The following TTN variants were observed in gnomAD, a reference collection of about 807,000 sequenced individuals.
TTN encodes the protein connectin.
TTN carries 1,525 observed loss-of-function variants against 3,223.0 expected under a neutral mutation model. The ratio of observed to expected loss-of-function variants is 0.47; its 90% CI spans 0.45 to 0.49. The LOEUF (loss-of-function observed/expected upper bound fraction) is 0.49. Ranked by LOEUF, TTN falls within the 20% of genes least tolerant of loss-of-function variation. The pLI, the probability that TTN is intolerant of heterozygous loss-of-function variation, is 0.00. For missense variants in TTN, 40,786 were observed against 43,424.0 expected (o/e 0.94, Z 5.40); for synonymous variants, 14,094 against 15,161.0 (o/e 0.93, Z 5.17).
chr2:178,724,312 C>G lies in TTN; in HGVS notation c.21063G>C (p.Gln7021His), dbSNP rs757015621. The change falls in exon 72 of 363, where the codon CAG (glutamine) becomes CAC (histidine). Residue 7021 changes from glutamine to histidine, a missense_variant. Transcript: ENST00000589042. ...TGCTTTTCCCAACATTATTTTGAAC[C>G]TGGAAAGTGTATGTGCCTGCATCTT... Reference protein sequence around the residue: ...ERQDAGTYTFQVQNNVGKSSC... With the variant: ...ERQDAGTYTFHVQNNVGKSSC... 1.2e-5 allele frequency: 19 copies of G among 1,613,502 alleles called. No individual in the cohort carries two copies. Among genetic ancestry groups the G allele is most frequent in the South Asian group, 2.2e-5 (2 of 91,060 alleles).
intron 71 of TTN, chr2:178,724,995 G>C: frequency 4.7e-6 from 1 of 211,534 alleles, no homozygotes; most frequent in East Asian, 1.1e-4. Flanking sequence ...TTGTTTAATT[G>C]TCATTAATTT....
intron 307 of TTN, 126 bp downstream of exon 307, chr2:178,586,992 T>C: frequency 7.2e-7 from 1 of 1,393,432 alleles, no homozygotes; most frequent in Non-Finnish European, 9.9e-7. Flanking sequence ...AGATAGATAT[T>C]TATTACACTA....
chr2:178,610,453 G>C, intron 270 of TTN, 64 bp from the exon 271 acceptor site: 2 of 1,526,774 alleles, frequency 1.3e-6, no homozygotes, highest in Non-Finnish European at 1.8e-6. Flanking sequence ...TAATGCACTT[G>C]TCTCTAAGTG....
intron 354 of TTN, 185 bp downstream of exon 354, chr2:178,538,355 C>CA (rs1411125378): frequency 3.5e-6 from 2 of 566,234 alleles, no homozygotes; most frequent in Non-Finnish European, 6.0e-6. Flanking sequence ...CTAACATCTG[C>CA]TGAGGTTGTG....
Position 178,768,129 on chromosome 2 carries a change from T to C in TTN, c.9190A>G (p.Ile3064Val). ...TTCTCCAGTACCTTAATGTCCTTAA[T>C]GTGTTTCCTAAATTCTATATGACGA... Reference protein sequence around the residue: ...EARHIEFRKHIKDIKVLEKKR... With the variant: ...EARHIEFRKHVKDIKVLEKKR... The change falls in exon 39 of 363, where the codon ATT (isoleucine) becomes GTT (valine). Residue 3064 changes from isoleucine to valine, a missense_variant. Transcript: ENST00000589042. 1 of 1,614,124 alleles carries C rather than the reference T, an allele frequency of 6.2e-7. No individual in the cohort carries two copies. The highest frequency in any genetic ancestry group is 8.5e-7 in the Non-Finnish European group (1 of 1,180,010).
At chr2:178,749,825 C>T (rs1428285324) in intron 47 of TTN, 1 of 1,612,958 alleles carries the variant, frequency 6.2e-7, no homozygotes. Flanking sequence ...ATTTTGAAAC[C>T]ATGTTACAAC....
chr2:178,573,241 A>G lies in TTN; in HGVS notation c.72891T>C (p.Ile24297=), dbSNP rs1313149893. Residue 24297 remains isoleucine (I), a synonymous_variant, in exon 326 of 363, where the codon ATT becomes ATC. Transcript: ENST00000589042. Reference sequence around the variant, plus strand: ...TAATTCCAGCAGCATTTTCAGCCATAATCCTGAACTCATATTCATGTCCTT... The same window carrying G: ...TAATTCCAGCAGCATTTTCAGCCATGATCCTGAACTCATATTCATGTCCTT... ...LTEGHEYEFR[I]MAENAAGISA... The G allele has an allele frequency of 6.2e-7, 1 of 1,606,510 alleles. No individual in the cohort carries two copies. The highest frequency in any genetic ancestry group is 1.7e-4 in the Middle Eastern group (1 of 6,010).
chr2:178,577,535 A>G (rs1181920134), intron 323 of TTN, 25 bp from the exon 324 acceptor site: 1 of 1,555,320 alleles, frequency 6.4e-7, no homozygotes, highest in Non-Finnish European at 8.7e-7. Context: ...ATACATTTTA[A>G]TCAGAAAAGG....
chr2:178,720,148 T>C lies in TTN; in HGVS notation c.23494A>G (p.Arg7832Gly), dbSNP rs2154300472. The change falls in exon 81 of 363, where the codon AGA (arginine) becomes GGA (glycine). Residue 7832 changes from arginine to glycine, a missense_variant. Coordinates refer to ENST00000589042, the MANE Select transcript of TTN (RefSeq NM_001267550.2). ...QPISVVWLKDRGEVIRESENT... is the reference protein window; with the variant it reads ...QPISVVWLKDGGEVIRESENT... ...TCACTCTCTCTGATGACTTCACCTC[T>C]ATCTTTCAGCCAGACAACAGAAATT... The C allele has an allele frequency of 6.2e-7, 1 of 1,613,806 alleles. No homozygotes were observed.
chr2:178,526,738 C>T lies in TTN; in HGVS notation c.*274G>A, dbSNP rs886055215. 3.7e-6 allele frequency: 1 copy of T among 269,958 alleles called. No homozygotes were observed. Among genetic ancestry groups the T allele is most frequent in the Admixed American group, 5.0e-5 (1 of 20,190 alleles). The allele number at this position is 269,958 out of a possible 1,614,324, so 16.7% of individuals were successfully genotyped here. A position where few individuals can be genotyped will look rare whatever the true frequency, so the allele number is the denominator to read the frequency against. ...CTCCTACCAACAGTTAGTTTCAAAA[C>T]TTACATTGTAAAATGTCATAAAATA... is the stretch of plus-strand genomic sequence containing the variant. On this transcript the variant is annotated 3_prime_UTR_variant, in exon 363 of 363. Coordinates refer to ENST00000589042, the MANE Select transcript of TTN (RefSeq NM_001267550.2).
chr2:178,758,810 G>C (rs2088110465), intron 44 of TTN, 174 bp downstream of exon 44: 1 of 690,260 alleles, frequency 1.4e-6, no homozygotes, highest in Non-Finnish European at 2.5e-6. Flanking sequence ...GATTCACAAT[G>C]AAAAGTGGTA....
Position 178,790,716 on chromosome 2 carries a change from A to C in TTN, c.1792T>G (p.Tyr598Asp). 6.2e-7 allele frequency: 1 copy of C among 1,614,138 alleles called. No homozygotes were observed. The highest frequency in any genetic ancestry group is 8.5e-7 in the Non-Finnish European group (1 of 1,179,988). Residue 598 changes from tyrosine (Y) to aspartate (D), a missense_variant, in exon 11 of 363, where the codon TAT becomes GAT. By Grantham distance (160) the Tyr-to-Asp change is radical (BLOSUM62 -3). Coordinates refer to ENST00000589042, the MANE Select transcript of TTN (RefSeq NM_001267550.2). ...TTQQDQMHLS[Y>D]EKIMKETRKT... ...TGGCAGGAAGTCATCACCTTTTCAT[A>C]ACTTAGGTGCATTTGATCTTGTTGT... is the stretch of plus-strand genomic sequence containing the variant.
intron 17 of TTN, 41 bp from the exon 18 acceptor site, chr2:178,783,105 A>G: frequency 6.2e-7 from 1 of 1,601,792 alleles, no homozygotes; most frequent in Admixed American, 1.7e-5. Flanking sequence ...ACGTGTGCAT[A>G]TTCATTAATC....
intron 227 of TTN, 27 bp from the exon 228 acceptor site, chr2:178,635,331 T>C (rs1252657114): frequency 1.1e-5 from 17 of 1,611,674 alleles, no homozygotes; most frequent in Admixed American, 1.7e-5. Flanking sequence ...TGAAGTAACA[T>C]AATGCTTTAG....
intron 11 of TTN, 55 bp from the exon 12 acceptor site, chr2:178,790,170 T>A: frequency 6.4e-7 from 1 of 1,570,968 alleles, no homozygotes; most frequent in Non-Finnish European, 8.6e-7. Context: ...AAATCTTTAA[T>A]AAAAGAAACG....
chr2:178,635,002 A>G (rs538154088), intron 228 of TTN, among the ~76,000 whole-genome samples, 153 bp from the exon 229 acceptor site: 1 of 152,240 alleles, frequency 6.6e-6, no homozygotes, highest in African/African-American at 2.4e-5. Context: ...AAATTGTTCA[A>G]GTTGTCCCCA....
At position 178,583,588 on chromosome 2, in the gene TTN, A is replaced by C. The variant is rs72646865; in HGVS notation, c.65575+19T>G. 42,217 of 1,566,538 alleles carry C rather than the reference A, an allele frequency of 0.027. 674 individuals carry two copies. The highest frequency in any genetic ancestry group is 0.063 in the East Asian group (2,748 of 43,816). ...GAATGCTGTTACATCTTTGCCTATAATACTCAGCAGAATCTTACCATTTTC... is the reference window on the plus strand; with the variant it reads ...GAATGCTGTTACATCTTTGCCTATACTACTCAGCAGAATCTTACCATTTTC... On this transcript the variant is annotated intron_variant, in intron 312 of 362. Transcript: ENST00000589042.
At chr2:178,797,532 G>C (rs1031802291) in intron 6 of TTN, among the ~76,000 whole-genome samples, 5 of 151,802 alleles carry the variant, frequency 3.3e-5, no homozygotes, top group African/African-American at 9.7e-5. Flanking sequence ...CGTAAGTGTT[G>C]CAAACATTCC....
rs749547976 is a variant in TTN, at chr2:178,589,820, G to T, written c.61905C>A (p.Asn20635Lys). Residue 20635 changes from asparagine to lysine, a missense_variant, in exon 304 of 363, where the codon AAC becomes AAA. By Grantham distance (94) the Asn-to-Lys change is moderately conservative (BLOSUM62 0). Coordinates refer to ENST00000589042, the MANE Select transcript of TTN (RefSeq NM_001267550.2). ...CACAAACTCGGAAATAGTATTCATT[G>T]TTGGCTAAAAGGTTGGCCTTGATTA... is the stretch of plus-strand genomic sequence containing the variant. ...KRLIKANLLANNEYYFRVCAE... is the reference protein window; with the variant it reads ...KRLIKANLLAKNEYYFRVCAE... 1 of 1,613,536 alleles carries T rather than the reference G, an allele frequency of 6.2e-7. No homozygotes were observed. The highest frequency in any genetic ancestry group is 2.2e-5 in the East Asian group (1 of 44,796).
Sources: gnomAD v4.1 joint callset for allele counts (sites outside exome capture counted in the v4.1 genomes callset) on GRCh38, gnomAD v4.1.1 for gene constraint, MANE v1.5 for transcripts, NCBI Gene and HGNC (gene_info 2026-07-23, HGNC 2026-07-21) for gene names.